The following AXIN1 variants were observed in gnomAD, a reference collection of about 807,000 sequenced individuals.
AXIN1 encodes the protein axin-1.
AXIN1 carries 30 observed loss-of-function variants against 76.4 expected under a neutral mutation model. The observed-to-expected ratio is 0.39, with a 90% CI of 0.29 to 0.53. The LOEUF (loss-of-function observed/expected upper bound fraction) is 0.53. Among genes scored for constraint, AXIN1 ranks in the 20% least tolerant of loss-of-function variants. The pLI, the probability that AXIN1 is intolerant of heterozygous loss-of-function variation, is 0.66. For missense variants in AXIN1, 1,140 were observed against 1,198.8 expected, an observed-to-expected ratio of 0.95 and a Z score of 0.72; for synonymous variants, 545 against 501.4, an observed-to-expected ratio of 1.09 and a Z score of -1.16.
chr16:297,524 C>G (rs953562159), intron 6 of AXIN1, among the ~76,000 whole-genome samples, 198 bp downstream of exon 6: 19 of 152,116 alleles, frequency 1.2e-4, no homozygotes, highest in African/African-American at 4.6e-4. Context: ...CGGGCTGTGT[C>G]CCCTAACCTT....
intron 4 of AXIN1, among the ~76,000 whole-genome samples, chr16:305,358 TA>T (rs1475896621): frequency 2.6e-5 from 4 of 152,108 alleles, no homozygotes; most frequent in African/African-American, 9.7e-5. Flanking sequence ...TGGTTCCGAC[TA>T]CTTGGGAGGC....
chr16:301,166 G>T (rs548405095), intron 5 of AXIN1, among the ~76,000 whole-genome samples: 1 of 152,108 alleles, frequency 6.6e-6, no homozygotes, highest in Admixed American at 6.6e-5. Context: ...AGCTACTGGG[G>T]AGGCTGAGGC....
Position 297,979 on chromosome 16 carries a change from G to A in AXIN1, c.1527C>T (p.Ala509=), listed in dbSNP as rs781396391. The change falls in exon 6 of 11, where the codon GCC becomes GCT. Residue 509 remains alanine, a synonymous_variant. Coordinates refer to ENST00000262320, the MANE Select transcript of AXIN1 (RefSeq NM_003502.4). Reference sequence around the variant, plus strand: ...GTACGTGCTTCCCGTGCCCCGAGGCGGCACCCCCCAGTGCCACTGGCATCT... The same window carrying A: ...GTACGTGCTTCCCGTGCCCCGAGGCAGCACCCCCCAGTGCCACTGGCATCT... ...VAKMPVALGG[A]ASGHGKHVPK... is the part of the protein sequence containing the mutation. 22 of 1,600,738 alleles carry A rather than the reference G, an allele frequency of 1.4e-5. No individual in the cohort carries two copies. The highest frequency in any genetic ancestry group is 1.7e-5 in the Admixed American group (1 of 59,778).
Position 325,821 on chromosome 16 carries a change from C to A in AXIN1, c.879-11138G>T, listed in dbSNP as rs184407550. On this transcript the variant is annotated intron_variant, in intron 2 of 10. Transcript: ENST00000262320. ...CGGAAACACCAAGAAACGACCAAAG[C>A]AGACAGGCACTGGGAGAAGCAGGAC... is the stretch of plus-strand genomic sequence containing the variant. Among the ~76,000 whole-genome samples the A allele has an allele frequency of 7.2e-5, 11 of 152,364 alleles. No homozygotes were observed. The East Asian group carries it at 1.9e-3, about 27-fold the overall frequency.
At chr16:299,065 C>T in intron 5 of AXIN1, 1 of 985,400 alleles carries the variant, frequency 1.0e-6, no homozygotes, top group Non-Finnish European at 1.2e-6. Context: ...CCGCGCCCGG[C>T]CTCCCATTAT....
intron 2 of AXIN1, among the ~76,000 whole-genome samples, chr16:328,368 G>C (rs1212720230): frequency 6.6e-6 from 1 of 152,108 alleles, no homozygotes. Flanking sequence ...ATTTCAGCCT[G>C]AGTAACACAG....
At chr16:343,947 CCGAGATAG>C (rs1334333978) in intron 2 of AXIN1, among the ~76,000 whole-genome samples, 3 of 150,504 alleles carry the variant, frequency 2.0e-5, no homozygotes, top group African/African-American at 7.3e-5. Flanking sequence ...TTGCAGTGAG[CCGAGATAG>C]CGAGATAGTG....
At chr16:322,962 C>G (rs887031351) in intron 2 of AXIN1, among the ~76,000 whole-genome samples, 3 of 152,196 alleles carry the variant, frequency 2.0e-5, no homozygotes, top group Non-Finnish European at 4.4e-5. Context: ...GGAGCGGTCA[C>G]CTGGCAGAGG....
chr16:339,294 G>C (rs1245254331), intron 2 of AXIN1, among the ~76,000 whole-genome samples: 5 of 149,902 alleles, frequency 3.3e-5, no homozygotes, highest in Admixed American at 6.6e-5. Flanking sequence ...ACAAGGTCAG[G>C]AGATCGAGAC....
At chr16:327,452 G>A (rs1389763218) in intron 2 of AXIN1, among the ~76,000 whole-genome samples, 1 of 152,242 alleles carries the variant, frequency 6.6e-6, no homozygotes, top group Admixed American at 6.5e-5. Context: ...CCTCGCTGTG[G>A]TTCCACGCTG....
Position 330,066 on chromosome 16 carries a change from C to CTT in AXIN1, c.879-15385_879-15384dup, listed in dbSNP as rs34633391. On this transcript the variant is annotated intron_variant, in intron 2 of 10. Transcript: ENST00000262320. ...CAGGCATGACCCACTGTGCCCGGCC[C>CTT]TTTTTTTTTTTTGAGAGAGGGTCTC... Among the ~76,000 whole-genome samples, 472 of 144,004 alleles carry CTT rather than the reference C, an allele frequency of 3.3e-3. 2 individuals carry two copies. The highest frequency in any genetic ancestry group is 0.01 in the African/African-American group (390 of 38,978). The allele number at this position is 144,004 out of a possible 152,430, so 94.5% of individuals were successfully genotyped here. A position where few individuals can be genotyped will look rare whatever the true frequency, so the allele number is the denominator to read the frequency against.
At chr16:319,684 T>A (rs1302803630) in intron 2 of AXIN1, among the ~76,000 whole-genome samples, 2 of 152,184 alleles carry the variant, frequency 1.3e-5, no homozygotes, top group African/African-American at 4.8e-5. Flanking sequence ...CCGCGGCTGC[T>A]CCCACATCCA....
At chr16:297,608 T>A in intron 6 of AXIN1, 114 bp downstream of exon 6, 1 of 1,390,024 alleles carries the variant, frequency 7.2e-7, no homozygotes, top group African/African-American at 1.5e-5. Context: ...CAGAGGGGCC[T>A]CCTGCCTGTT....
In AXIN1 at chr16:309,903, C is replaced by T. The variant is rs138082514; in HGVS notation, c.1116+70G>A. The T allele has an allele frequency of 1.1e-3, 1,662 of 1,498,992 alleles. 14 individuals are homozygous for T. Among genetic ancestry groups the T allele is most frequent in the Middle Eastern group, 9.6e-3 (47 of 4,888 alleles). The allele number at this position is 1,498,992 out of a possible 1,614,324, so 92.9% of individuals were successfully genotyped here. A position where few individuals can be genotyped will look rare whatever the true frequency, so the allele number is the denominator to read the frequency against. On this transcript the variant is annotated intron_variant, in intron 4 of 10. Transcript: ENST00000262320. ...GGAGGCCAGGCAAGTGCCTTTCCCG[C>T]GGACCAGTTCACCAGGCCCACGCTG...
At chr16:303,009 G>A (rs2052915101) in intron 5 of AXIN1, among the ~76,000 whole-genome samples, 1 of 152,114 alleles carries the variant, frequency 6.6e-6, no homozygotes, top group African/African-American at 2.4e-5. Context: ...CCACAGGTGT[G>A]TGCCACCACG....
At chr16:332,262 A>C (rs2053706106) in intron 2 of AXIN1, among the ~76,000 whole-genome samples, 1 of 152,208 alleles carries the variant, frequency 6.6e-6, no homozygotes, top group Non-Finnish European at 1.5e-5. Context: ...AAGCATATTT[A>C]ACTTTTAGAA....
rs139839057 is a variant in AXIN1, at chr16:293,580, G to A, written c.2094C>T (p.His698=). Residue 698 remains histidine (H), a synonymous_variant, in exon 8 of 11, where the codon CAC becomes CAT. Coordinates refer to ENST00000262320, the MANE Select transcript of AXIN1 (RefSeq NM_003502.4). The surrounding 1 kb of genome is among the most constrained non-coding windows in gnomAD (Gnocchi z 4.6). ...LFIQDPTMPP[H]PAPNPLTQLE... is the part of the protein sequence containing the mutation. ...GCTGGGTTAGGGGGTTGGGAGCTGGGTGGGGTGGCATGGTGGGGTCTTGGA... is the reference window on the plus strand; with the variant it reads ...GCTGGGTTAGGGGGTTGGGAGCTGGATGGGGTGGCATGGTGGGGTCTTGGA... 1.4e-4 allele frequency: 219 copies of A among 1,612,700 alleles called. No individual in the cohort carries two copies. The African/African-American group carries it at 2.7e-3, about 20-fold the overall frequency.
At chr16:302,930 C>T (rs527521201) in intron 5 of AXIN1, among the ~76,000 whole-genome samples, 5 of 152,114 alleles carry the variant, frequency 3.3e-5, no homozygotes, top group South Asian at 4.1e-4. Flanking sequence ...GGCACAGCCT[C>T]GGCTCACTGT....
intron 4 of AXIN1, 28 bp from the exon 5 acceptor site, chr16:304,469 G>A (rs1167423015): frequency 1.8e-5 from 29 of 1,612,328 alleles, no homozygotes; most frequent in Non-Finnish European, 2.3e-5. Context: ...GTGAGGCACG[G>A]GGGTTGAAAG....
Sources: gnomAD v4.1 joint callset for allele counts (sites outside exome capture counted in the v4.1 genomes callset) on GRCh38, gnomAD v4.1.1 for gene constraint, Gnocchi (gnomAD v3.1) non-coding constraint, MANE v1.5 for transcripts, NCBI Gene and HGNC (gene_info 2026-07-23, HGNC 2026-07-21) for gene names.